GDAP1L1: variants seen among roughly 807,000 people sequenced by gnomAD.
The protein encoded by GDAP1L1 is ganglioside-induced differentiation-associated protein 1-like 1.
In GDAP1L1, 21 loss-of-function variants were observed where a neutral mutation model predicts 37.1. That is an observed-to-expected ratio of 0.57 (90% CI 0.40 to 0.81). The LOEUF is 0.81. Ranked by LOEUF, GDAP1L1 falls within the 40% of genes least tolerant of loss-of-function variation. The probability of loss-of-function intolerance (pLI) is 0.00; values close to 1 mark genes in which losing one functional copy is unlikely to be tolerated. For synonymous variants in GDAP1L1, 193 were observed against 209.1 expected (o/e 0.92, Z 0.67); for missense variants, 362 against 491.6 (o/e 0.74, Z 2.49).
intron 5 of GDAP1L1, among the ~76,000 whole-genome samples, chr20:44,274,459 T>G (rs1442814076): frequency 6.6e-6 from 1 of 152,190 alleles, no homozygotes; most frequent in Admixed American, 6.5e-5. Context: ...CCAAACCAGC[T>G]TTTAAGTCAG....
At chr20:44,250,755 G>A (rs1419851564) in intron 1 of GDAP1L1, among the ~76,000 whole-genome samples, 1 of 152,176 alleles carries the variant, frequency 6.6e-6, no homozygotes, top group Non-Finnish European at 1.5e-5. Flanking sequence ...TAAGGTCAAT[G>A]TTAGGATGCT....
chr20:44,257,162 G>A lies in GDAP1L1; in HGVS notation c.190G>A (p.Val64Met), dbSNP rs767630341. 6.3e-7 allele frequency: 1 copy of A among 1,591,992 alleles called. No homozygotes were observed. Among genetic ancestry groups the A allele is most frequent in the Non-Finnish European group, 8.5e-7 (1 of 1,171,202 alleles). ...QSFSSQKVRL[V>M]IAEKGLVCEE... Reference sequence around the variant, plus strand: ...ACCCTGGCGCCTGCAGGTGCGGCTGGTGATCGCCGAGAAGGGCCTGGTGTG... The same window carrying A: ...ACCCTGGCGCCTGCAGGTGCGGCTGATGATCGCCGAGAAGGGCCTGGTGTG... Residue 64 changes from valine to methionine, a missense_variant, in exon 2 of 6, where the codon GTG becomes ATG. Around this residue, in one of 2 missense-constraint regions of GDAP1L1, gnomAD observed 277 missense variants for 337.1 expected, o/e 0.82. Transcript: ENST00000342560.
At chr20:44,264,697 C>G in intron 5 of GDAP1L1, 138 bp downstream of exon 5, 1 of 1,482,592 alleles carries the variant, frequency 6.7e-7, no homozygotes, top group Non-Finnish European at 9.1e-7. Flanking sequence ...TGGAGTCAGA[C>G]TAAGGTTCAA....
intron 5 of GDAP1L1, chr20:44,265,072 C>A: frequency 1.0e-6 from 1 of 985,388 alleles, no homozygotes; most frequent in Non-Finnish European, 1.2e-6. Context: ...GTTGCTCCCC[C>A]ATCACCTCCC....
intron 5 of GDAP1L1, chr20:44,265,110 C>T (rs1367257374): frequency 1.0e-6 from 1 of 985,268 alleles, no homozygotes; most frequent in East Asian, 1.1e-4. Context: ...CACTACCCAC[C>T]ACACCATCCC....
At chr20:44,254,443 C>T (rs1181115387) in intron 1 of GDAP1L1, among the ~76,000 whole-genome samples, 5 of 152,222 alleles carry the variant, frequency 3.3e-5, no homozygotes, top group African/African-American at 1.2e-4. Context: ...TCAGACAGAA[C>T]GAGAAGCTCC....
chr20:44,257,390 C>A (rs2073578912), intron 2 of GDAP1L1, 45 bp downstream of exon 2: 3 of 1,552,086 alleles, frequency 1.9e-6, no homozygotes, highest in Non-Finnish European at 1.8e-6. Flanking sequence ...TACCACAGAT[C>A]CTCAGGGGTC....
chr20:44,267,896 C>T (rs1367601624), intron 5 of GDAP1L1, among the ~76,000 whole-genome samples: 1 of 152,194 alleles, frequency 6.6e-6, no homozygotes, highest in Non-Finnish European at 1.5e-5. Context: ...TGAGAGGAGA[C>T]AGCATTGCAC....
At chr20:44,277,313 G>T (rs2062593600) in intron 5 of GDAP1L1, among the ~76,000 whole-genome samples, 1 of 152,224 alleles carries the variant, frequency 6.6e-6, no homozygotes, top group African/African-American at 2.4e-5. Flanking sequence ...AGGAGAAAAT[G>T]GCATGTGAGC....
intron 3 of GDAP1L1, 89 bp from the exon 4 acceptor site, chr20:44,263,141 G>A (rs2073702658): frequency 1.1e-6 from 1 of 949,928 alleles, no homozygotes; most frequent in Non-Finnish European, 1.7e-6. Flanking sequence ...CCAGTGTTTG[G>A]ATGGGGCCTA....
At chr20:44,257,418 G>T (rs925056487) in intron 2 of GDAP1L1, 73 bp downstream of exon 2, 9 of 1,420,618 alleles carry the variant, frequency 6.3e-6, no homozygotes, top group Non-Finnish European at 4.8e-6. Flanking sequence ...GCTCAGACGG[G>T]GTCCCAGAAC....
Position 44,279,013 on chromosome 20 carries a change from C to T in GDAP1L1, c.817C>T (p.Leu273=). ...TGCCTTCACCCTCGCTGATGTCCTCCTGGGAGCCACCCTGCACCGCCTCAA... is the reference window on the plus strand; with the variant it reads ...TGCCTTCACCCTCGCTGATGTCCTCTTGGGAGCCACCCTGCACCGCCTCAA... ...GCAFTLADVL[L]GATLHRLKFL... The change falls in exon 6 of 6, where the codon CTG becomes TTG. Residue 273 remains leucine (L), a synonymous_variant. Transcript: ENST00000342560. The T allele has an allele frequency of 6.2e-7, 1 of 1,614,158 alleles. No individual in the cohort carries two copies. The highest frequency in any genetic ancestry group is 8.5e-7 in the Non-Finnish European group (1 of 1,180,010).
intron 4 of GDAP1L1, among the ~76,000 whole-genome samples, 187 bp downstream of exon 4, chr20:44,263,514 G>A (rs542250615): frequency 5.2e-4 from 79 of 152,302 alleles, no homozygotes; most frequent in Middle Eastern, 3.4e-3. Flanking sequence ...CTGCCCTCGG[G>A]CCTCAGTTTC....
At chr20:44,274,695 A>G (rs1002898276) in intron 5 of GDAP1L1, among the ~76,000 whole-genome samples, 4 of 152,106 alleles carry the variant, frequency 2.6e-5, no homozygotes, top group Admixed American at 6.5e-5. Context: ...CTTGGTGTCA[A>G]TATTTAAAGT....
intron 3 of GDAP1L1, among the ~76,000 whole-genome samples, chr20:44,262,346 C>G (rs374089744): frequency 1.3e-5 from 2 of 151,924 alleles, no homozygotes; most frequent in East Asian, 1.9e-4. Flanking sequence ...ATCAACAGGA[C>G]CTGGGAATGA....
chr20:44,257,415 C>T (rs2073579689), intron 2 of GDAP1L1, 70 bp downstream of exon 2: 25 of 1,428,348 alleles, frequency 1.8e-5, no homozygotes, highest in Middle Eastern at 1.8e-4. Flanking sequence ...CAGGCTCAGA[C>T]GGGGTCCCAG....
chr20:44,249,342 T>C (rs574744425), intron 1 of GDAP1L1, among the ~76,000 whole-genome samples: 10 of 152,274 alleles, frequency 6.6e-5, no homozygotes, highest in East Asian at 5.8e-4. Flanking sequence ...GCGGCCGTTA[T>C]GATGTTATTA....
chr20:44,272,461 G>C (rs1009136610), intron 5 of GDAP1L1, among the ~76,000 whole-genome samples: 1 of 152,140 alleles, frequency 6.6e-6, no homozygotes, highest in Non-Finnish European at 1.5e-5. Flanking sequence ...TCTCCACAGG[G>C]AGCAGGAAGC....
chr20:44,253,319 T>C (rs1407468895), intron 1 of GDAP1L1, among the ~76,000 whole-genome samples: 1 of 152,174 alleles, frequency 6.6e-6, no homozygotes, highest in Non-Finnish European at 1.5e-5. Context: ...TGAAAAGTGA[T>C]GGATTTGCAA....
Sources: allele counts gnomAD v4.1 joint callset (sites outside exome capture counted in the v4.1 genomes callset), GRCh38; gene constraint gnomAD v4.1.1; regional missense constraint gnomAD v4.1.1; transcripts MANE v1.5; gene names NCBI Gene and HGNC (gene_info 2026-07-23, HGNC 2026-07-21).